Variants in SOX5 observed in about 807,000 individuals in gnomAD.
SOX5 encodes SRY-box transcription factor 5.
Under a neutral mutation model 92.0 loss-of-function variants are expected in SOX5, and 9 were observed. The observed-to-expected ratio is 0.10, with a 90% CI of 0.06 to 0.17. SOX5 has a LOEUF of 0.17. Among genes scored for constraint, SOX5 ranks in the 10% least tolerant of loss-of-function variants. The pLI, the probability that SOX5 is intolerant of heterozygous loss-of-function variation, is 1.00. For missense variants in SOX5, 642 were observed against 944.5 expected, an observed-to-expected ratio of 0.68 and a Z score of 4.20; for synonymous variants, 344 against 336.3, an observed-to-expected ratio of 1.02 and a Z score of -0.25.
intron 1 of SOX5, among the ~76,000 whole-genome samples, chr12:24,538,072 C>A (rs750158337): frequency 2.0e-5 from 3 of 152,202 alleles, no homozygotes; most frequent in Non-Finnish European, 4.4e-5. Flanking sequence ...GCAATATTCT[C>A]CAAAGCTATG....
chr12:23,653,999 A>C (rs1303006977), intron 7 of SOX5, among the ~76,000 whole-genome samples: 1 of 152,164 alleles, frequency 6.6e-6, no homozygotes, highest in Non-Finnish European at 1.5e-5. Flanking sequence ...ACAAATATCA[A>C]ATACAAGAGA....
At chr12:24,247,248 A>G (rs1565743835) in intron 3 of SOX5, among the ~76,000 whole-genome samples, 1 of 7,864 alleles carries the variant, frequency 1.3e-4, no homozygotes, top group African/African-American at 1.6e-4. Flanking sequence ...TAATCGACCA[A>G]TGAAAAAAAA....
chr12:24,514,544 C>A (rs191888883), intron 1 of SOX5, among the ~76,000 whole-genome samples: 69 of 152,290 alleles, frequency 4.5e-4, no homozygotes, highest in Admixed American at 1.8e-3. Flanking sequence ...CCAGCAATCC[C>A]ACTACTGGGT....
intron 8 of SOX5, among the ~76,000 whole-genome samples, chr12:23,612,339 C>G (rs919579560): frequency 6.6e-6 from 1 of 151,832 alleles, no homozygotes; most frequent in African/African-American, 2.4e-5. Flanking sequence ...AAAATGTGAC[C>G]AATGAGATTG....
chr12:23,689,524 A>C (rs1294266895), intron 6 of SOX5, among the ~76,000 whole-genome samples: 1 of 152,118 alleles, frequency 6.6e-6, no homozygotes, highest in African/African-American at 2.4e-5. Flanking sequence ...GTTAATTCTA[A>C]TTAATCTCTG....
At chr12:23,995,911 C>A (rs143983108) in intron 4 of SOX5, among the ~76,000 whole-genome samples, 16 of 152,228 alleles carry the variant, frequency 1.1e-4, no homozygotes, top group African/African-American at 3.9e-4. Flanking sequence ...ACTTTTCAAC[C>A]ATAAAAGCTC....
At chr12:23,655,006 A>C (rs2082136041) in intron 7 of SOX5, among the ~76,000 whole-genome samples, 1 of 152,108 alleles carries the variant, frequency 6.6e-6, no homozygotes, top group Non-Finnish European at 1.5e-5. Context: ...GTCTTAATGT[A>C]GCATAGCAAA....
chr12:24,274,928 G>GCA (rs938294403), intron 3 of SOX5, among the ~76,000 whole-genome samples: 2 of 152,130 alleles, frequency 1.3e-5, no homozygotes, highest in Non-Finnish European at 2.9e-5. Context: ...CTGAACTGTA[G>GCA]CACGGTACCT....
chr12:23,909,021 G>A (rs1284666943), intron 1 of SOX5, among the ~76,000 whole-genome samples: 1 of 151,608 alleles, frequency 6.6e-6, no homozygotes, highest in African/African-American at 2.4e-5. Context: ...CTGTGGGCAA[G>A]TTAGGAATGC....
rs371545075 is a variant in SOX5, at chr12:24,206,354, G to A, written c.-2+6989C>T. ...GCCTTCAGACTGCTAATGGCAGGGC[G>A]TCTGTTAGCACAGGAAAAGTGATGG... On this transcript the variant is annotated intron_variant, in intron 4 of 4. Transcript: ENST00000446891. Among the ~76,000 whole-genome samples, 8 of 152,254 alleles carry A rather than the reference G, an allele frequency of 5.3e-5. No individual in the cohort carries two copies. In the East Asian group the frequency reaches 9.6e-4, roughly 18 times the overall value.
intron 4 of SOX5, among the ~76,000 whole-genome samples, chr12:24,153,311 G>A (rs1434277968): frequency 1.3e-5 from 2 of 152,132 alleles, no homozygotes; most frequent in Non-Finnish European, 2.9e-5. Flanking sequence ...TCTGGGAGAA[G>A]GAGGGGGTGC....
intron 4 of SOX5, among the ~76,000 whole-genome samples, chr12:23,979,966 T>TAGAC (rs1179607903): frequency 1.7e-3 from 108 of 62,344 alleles, no homozygotes; most frequent in Non-Finnish European, 2.9e-3. Flanking sequence ...GACAGACAGA[T>TAGAC]AGATAGACAG....
rs1245779118 is a variant in SOX5 at position 24,174,338 on chromosome 12, A to G, written c.-2+39005T>C. 4.6e-5 allele frequency among the ~76,000 whole-genome samples: 7 copies of G among 152,062 alleles called. No individual in the cohort carries two copies. In the East Asian group the frequency reaches 1.3e-3, roughly 29 times the overall value. On this transcript the variant is annotated intron_variant, in intron 4 of 4. Transcript: ENST00000446891. ...GACAAACTTCTTAGATGAGTTTTAG[A>G]TTCACCACCTTTGGAGAAACACTCT... is the stretch of plus-strand genomic sequence containing the variant.
chr12:24,178,930 CA>C (rs1404658863), intron 4 of SOX5, among the ~76,000 whole-genome samples: 1 of 152,066 alleles, frequency 6.6e-6, no homozygotes. Context: ...TAGATAGAAA[CA>C]GAATTGGAGG....
intron 1 of SOX5, among the ~76,000 whole-genome samples, chr12:24,475,471 T>C (rs565211244): frequency 6.6e-6 from 1 of 152,038 alleles, no homozygotes; most frequent in East Asian, 1.9e-4. Context: ...TGAGCTGAAG[T>C]TGGTAGTGAT....
At chr12:24,421,772 A>T (rs150151027) in intron 1 of SOX5, among the ~76,000 whole-genome samples, 96 of 152,342 alleles carry the variant, frequency 6.3e-4, no homozygotes, top group African/African-American at 2.2e-3. Flanking sequence ...ATAATGGCAC[A>T]CTTATTGTAT....
At chr12:24,292,806 A>G (rs942813805) in intron 2 of SOX5, among the ~76,000 whole-genome samples, 5 of 152,188 alleles carry the variant, frequency 3.3e-5, no homozygotes, top group African/African-American at 1.2e-4. Context: ...TTTCGAAGAA[A>G]TTTCCACAGA....
intron 8 of SOX5, among the ~76,000 whole-genome samples, chr12:23,624,342 AT>A (rs1249030680): frequency 2.0e-5 from 3 of 152,210 alleles, no homozygotes; most frequent in Non-Finnish European, 4.4e-5. Flanking sequence ...GGTAAATTTT[AT>A]GTTAAACATA....
At chr12:24,558,870 G>T (rs922990821) in intron 1 of SOX5, among the ~76,000 whole-genome samples, 8 of 152,140 alleles carry the variant, frequency 5.3e-5, no homozygotes, top group Non-Finnish European at 1.0e-4. Flanking sequence ...GATCATAATT[G>T]GATTAAGAAC....
Sources: gnomAD v4.1 joint callset for allele counts (sites outside exome capture counted in the v4.1 genomes callset) on GRCh38, gnomAD v4.1.1 for gene constraint, MANE v1.5 for transcripts, NCBI Gene and HGNC (gene_info 2026-07-23, HGNC 2026-07-21) for gene names.